The following LRRC1 variants were observed in gnomAD, a reference collection of about 807,000 sequenced individuals.
LRRC1 encodes the protein leucine-rich repeat-containing protein 1.
LRRC1 carries 28 observed loss-of-function variants against 69.9 expected under a neutral mutation model. That is an observed-to-expected ratio of 0.40 (90% CI 0.30 to 0.55). The LOEUF is 0.55. LRRC1 is among the 20% of genes least tolerant of loss of function. The probability of loss-of-function intolerance (pLI) is 0.47; values close to 1 mark genes in which losing one functional copy is unlikely to be tolerated. For synonymous variants in LRRC1, 236 were observed against 240.2 expected (o/e 0.98, Z 0.16); for missense variants, 498 against 609.0 (o/e 0.82, Z 1.92).
rs964913737 is a variant in LRRC1 at position 53,800,504 on chromosome 6, C to T, written c.159+5089C>T. ...TGACCTCAAGTGATCTGCCTGCCTC[C>T]GTCTCCTAAAGTTCTGGGATTACAG... On this transcript the variant is annotated intron_variant, in intron 1 of 13. Transcript: ENST00000370888. Among the ~76,000 whole-genome samples, 14 of 150,502 alleles carry T rather than the reference C, an allele frequency of 9.3e-5. 1 individual carries two copies. The South Asian group carries it at 1.1e-3, about 11-fold the overall frequency.
At position 53,913,886 on chromosome 6, in the gene LRRC1, T is replaced by C. The variant is rs1246864387; in HGVS notation, c.1023T>C (p.Cys341=). The change falls in exon 11 of 14, where the codon TGT becomes TGC. Residue 341 remains cysteine, a synonymous_variant. Coordinates refer to ENST00000370888, the MANE Select transcript of LRRC1 (RefSeq NM_018214.5). ...GGTGCTGCAGCCTCACTGTGTTCTG[T>C]GTACGTGACAACAGACTAACTCGGA... ...IGGCCSLTVF[C]VRDNRLTRIP... 1.9e-6 allele frequency: 3 copies of C among 1,612,332 alleles called. No homozygotes were observed. In the Admixed American group the frequency reaches 5.0e-5, roughly 27 times the overall value.
intron 8 of LRRC1, among the ~76,000 whole-genome samples, chr6:53,900,787 CAG>C (rs973866057): frequency 1.3e-5 from 2 of 152,156 alleles, no homozygotes; most frequent in African/African-American, 4.8e-5. Flanking sequence ...AAAGTATAAA[CAG>C]ATACGGACTT....
intron 4 of LRRC1, among the ~76,000 whole-genome samples, chr6:53,892,760 A>G (rs1341793487): frequency 1.3e-5 from 2 of 152,212 alleles, no homozygotes; most frequent in Non-Finnish European, 2.9e-5. Flanking sequence ...GGAGAGAACC[A>G]TGTTCTGGAG....
chr6:53,869,443 C>T (rs1209189874), intron 2 of LRRC1, among the ~76,000 whole-genome samples: 2 of 152,070 alleles, frequency 1.3e-5, no homozygotes, highest in East Asian at 3.9e-4. Context: ...ATTTGGGAAT[C>T]AATTAAAAGT....
intron 12 of LRRC1, 107 bp downstream of exon 12, chr6:53,919,777 C>A: frequency 1.9e-6 from 2 of 1,033,908 alleles, no homozygotes; most frequent in Non-Finnish European, 2.7e-6. Context: ...TATATCCAGT[C>A]TGCACCTAGA....
intron 2 of LRRC1, among the ~76,000 whole-genome samples, chr6:53,846,699 T>C (rs1369228146): frequency 6.6e-6 from 1 of 152,252 alleles, no homozygotes; most frequent in Non-Finnish European, 1.5e-5. Context: ...GATATCTGAA[T>C]TTGCTGGTAA....
At chr6:53,853,202 C>T (rs535678324) in intron 2 of LRRC1, among the ~76,000 whole-genome samples, 3 of 152,032 alleles carry the variant, frequency 2.0e-5, no homozygotes, top group Admixed American at 6.6e-5. Flanking sequence ...AATAGTATCA[C>T]ATTGGGCATT....
chr6:53,848,499 G>A (rs1233924740), intron 2 of LRRC1, among the ~76,000 whole-genome samples: 1 of 152,114 alleles, frequency 6.6e-6, no homozygotes, highest in African/African-American at 2.4e-5. Context: ...TTACACATAT[G>A]TCTCTTTTGA....
chr6:53,863,751 A>G (rs1766606715), intron 2 of LRRC1, among the ~76,000 whole-genome samples: 1 of 152,166 alleles, frequency 6.6e-6, no homozygotes, highest in Non-Finnish European at 1.5e-5. Flanking sequence ...AGAACAGTGT[A>G]ATTTTTTTAA....
rs188733353 is a variant in LRRC1, at chr6:53,846,268, G to A, written c.277+4041G>A. ...GCTGTGTTGGAAAAGAGAAGCATGAGTTTAGGGAAAAAGAGGGCAGTGCTT... is the reference window on the plus strand; with the variant it reads ...GCTGTGTTGGAAAAGAGAAGCATGAATTTAGGGAAAAAGAGGGCAGTGCTT... On this transcript the variant is annotated intron_variant, in intron 2 of 13. Transcript: ENST00000370888. Among the ~76,000 whole-genome samples the A allele has an allele frequency of 1.3e-3, 201 of 152,310 alleles. 1 individual carries two copies. The highest frequency in any genetic ancestry group is 2.5e-3 in the Non-Finnish European group (170 of 68,030).
chr6:53,851,724 C>G (rs1364102396), intron 2 of LRRC1, among the ~76,000 whole-genome samples: 3 of 152,188 alleles, frequency 2.0e-5, no homozygotes, highest in African/African-American at 7.2e-5. Context: ...CACATGCGCA[C>G]ACACACATAC....
chr6:53,836,424 A>T (rs534178377), intron 1 of LRRC1, among the ~76,000 whole-genome samples: 1 of 152,192 alleles, frequency 6.6e-6, no homozygotes, highest in Non-Finnish European at 1.5e-5. Context: ...TGTTTGGCTT[A>T]CTGCCAAACA....
At chr6:53,836,844 A>T (rs1206408138) in intron 1 of LRRC1, among the ~76,000 whole-genome samples, 1 of 152,136 alleles carries the variant, frequency 6.6e-6, no homozygotes, top group Non-Finnish European at 1.5e-5. Context: ...CCCCTCTTAT[A>T]TCTAGAGGTA....
intron 1 of LRRC1, among the ~76,000 whole-genome samples, chr6:53,795,800 A>C (rs1764281222): frequency 2.0e-5 from 3 of 148,998 alleles, no homozygotes; most frequent in Admixed American, 6.7e-5. Flanking sequence ...CCCCCCCTCC[A>C]CTCCCCGGGG....
At chr6:53,844,078 G>A (rs1003842227) in intron 2 of LRRC1, among the ~76,000 whole-genome samples, 1 of 152,104 alleles carries the variant, frequency 6.6e-6, no homozygotes, top group Non-Finnish European at 1.5e-5. Flanking sequence ...GAGCAGCTTC[G>A]CTTACACTGG....
At chr6:53,854,953 T>G (rs1328117561) in intron 2 of LRRC1, among the ~76,000 whole-genome samples, 1 of 152,102 alleles carries the variant, frequency 6.6e-6, no homozygotes, top group Non-Finnish European at 1.5e-5. Context: ...AGGAAGCTAT[T>G]AGGTTTCAAA....
At chr6:53,882,120 G>A (rs1015051135) in intron 3 of LRRC1, among the ~76,000 whole-genome samples, 4 of 152,154 alleles carry the variant, frequency 2.6e-5, no homozygotes, top group African/African-American at 7.2e-5. Context: ...AGGCCAAGGC[G>A]GGTGGATCAC....
At chr6:53,867,852 G>A (rs1766753186) in intron 2 of LRRC1, among the ~76,000 whole-genome samples, 1 of 151,530 alleles carries the variant, frequency 6.6e-6, no homozygotes, top group Non-Finnish European at 1.5e-5. Flanking sequence ...CTAGTTGGGG[G>A]CTGAGGTGGG....
chr6:53,846,627 G>GA (rs892734121), intron 2 of LRRC1, among the ~76,000 whole-genome samples: 8 of 151,270 alleles, frequency 5.3e-5, no homozygotes, highest in South Asian at 2.1e-4. Context: ...ACATATATGA[G>GA]AAAAAAAAAC....
Sources: allele counts gnomAD v4.1 joint callset (sites outside exome capture counted in the v4.1 genomes callset), GRCh38; gene constraint gnomAD v4.1.1; transcripts MANE v1.5; gene names NCBI Gene and HGNC (gene_info 2026-07-23, HGNC 2026-07-21).